The following ABTB1 variants were observed in gnomAD, a reference collection of about 807,000 sequenced individuals.
ABTB1 encodes the protein ankyrin repeat and BTB/POZ domain-containing protein 1.
In ABTB1, 45 loss-of-function variants were observed where a neutral mutation model predicts 57.1. That is an observed-to-expected ratio of 0.79 (90% CI 0.62 to 1.01). The LOEUF is 1.01. Ranked by LOEUF, ABTB1 falls within the 50% of genes least tolerant of loss-of-function variation. The pLI is 0.00. For missense variants in ABTB1, 630 were observed against 666.3 expected (o/e 0.95, Z 0.60); for synonymous variants, 302 against 275.4 (o/e 1.10, Z -0.95).
intron 1 of ABTB1, chr3:127,673,389 G>T (rs1423035799): frequency 4.3e-6 from 1 of 233,586 alleles, no homozygotes. Flanking sequence ...CCCTGGTAGG[G>T]CCCGGACGTC....
chr3:127,676,207 G>C lies in ABTB1; in HGVS notation c.321-65G>C. On this transcript the variant is annotated intron_variant, in intron 4 of 11. Coordinates refer to ENST00000232744, the MANE Select transcript of ABTB1 (RefSeq NM_172027.3). This position sits in a 1 kb window ranked among gnomAD's most constrained non-coding sequence, Gnocchi z 5.4. ...CTGACTGTGGCCTGCACTGGGTTCT[G>C]AGTGCTCCGAGGAATGGGGTGGGGC... is the stretch of plus-strand genomic sequence containing the variant. The C allele has an allele frequency of 6.2e-7, 1 of 1,604,950 alleles. No homozygotes were observed. Among genetic ancestry groups the C allele is most frequent in the Middle Eastern group, 1.8e-4 (1 of 5,548 alleles).
chr3:127,675,988 A>G lies in ABTB1; in HGVS notation c.194A>G (p.Asn65Ser), dbSNP rs2074972195. 2 of 1,609,384 alleles carry G rather than the reference A, an allele frequency of 1.2e-6. No homozygotes were observed. Among genetic ancestry groups the G allele is most frequent in the South Asian group, 1.1e-5 (1 of 90,974 alleles). Residue 65 changes from asparagine (N) to serine (S), a missense_variant, in exon 4 of 12, where the codon AAC (asparagine) becomes AGC (serine). Asn to Ser is a conservative substitution (Grantham distance 46). Coordinates refer to ENST00000232744, the MANE Select transcript of ABTB1 (RefSeq NM_172027.3). ...CCCCCAGGAGCCCGCTGCGAGGCCA[A>G]CACCTTCGATGGTGAGCGCTGCCTC... ...LLANGARCEA[N>S]TFDGERCLYG...
intron 10 of ABTB1, 172 bp from the exon 11 acceptor site, chr3:127,679,813 A>C: frequency 1.1e-5 from 4 of 371,860 alleles, no homozygotes; most frequent in Non-Finnish European, 1.6e-5. Context: ...CCCTGTGGGA[A>C]TCTGGGCCAG....
At chr3:127,680,227 G>A in intron 11 of ABTB1, 42 bp downstream of exon 11, 2 of 1,613,220 alleles carry the variant, frequency 1.2e-6, no homozygotes, top group Non-Finnish European at 1.7e-6. Flanking sequence ...AGGGGTGAGA[G>A]GGCAGGCACC....
intron 3 of ABTB1, among the ~76,000 whole-genome samples, chr3:127,674,918 C>T (rs80083970): frequency 0.033 from 5,023 of 152,322 alleles, 145 homozygotes; most frequent in South Asian, 0.076. Context: ...AAAAATCCTC[C>T]AGCAAGTTCC....
At chr3:127,674,302 G>C (rs1210263465) in intron 1 of ABTB1, 89 bp from the exon 2 acceptor site, 2 of 1,523,562 alleles carry the variant, frequency 1.3e-6, no homozygotes, top group Non-Finnish European at 1.8e-6. Flanking sequence ...ATACCAAAAG[G>C]GATGTTTTCT....
Position 127,677,500 on chromosome 3 carries a change from C to G in ABTB1, c.798C>G (p.Asp266Glu). 2 of 1,614,134 alleles carry G rather than the reference C, an allele frequency of 1.2e-6. No individual in the cohort carries two copies. Among genetic ancestry groups the G allele is most frequent in the Non-Finnish European group, 1.7e-6 (2 of 1,180,030 alleles). Reference sequence around the variant, plus strand: ...GGGAGCTGCCCTTCCCTTGTCCTGACGGCTTCAACAGCTGCCCTGACATCT... The same window carrying G: ...GGGAGCTGCCCTTCCCTTGTCCTGAGGGCTTCAACAGCTGCCCTGACATCT... The part of the protein sequence containing the change: ...DLWELPFPCP[D>E]GFNSCPDICF... The change falls in exon 9 of 12, where the codon GAC (aspartate) becomes GAG (glutamate). Residue 266 changes from aspartate to glutamate, a missense_variant. Physicochemically the swap from Asp to Glu is conservative, Grantham distance 45. Around this residue, in one of 3 missense-constraint regions of ABTB1, gnomAD observed 579 missense variants for 585.9 expected, o/e 0.99. Coordinates refer to ENST00000232744, the MANE Select transcript of ABTB1 (RefSeq NM_172027.3).
In ABTB1 at chr3:127,680,762, C is replaced by T. The variant is rs775127401; in HGVS notation, c.*287C>T. Reference sequence around the variant, plus strand: ...GGTGGGCTTTGGTCTTAGCACTTTCCTTCTCCAGATCCCCCCTACCCACCC... The same window carrying T: ...GGTGGGCTTTGGTCTTAGCACTTTCTTTCTCCAGATCCCCCCTACCCACCC... On this transcript the variant is annotated 3_prime_UTR_variant, in exon 12 of 12. Coordinates refer to ENST00000232744, the MANE Select transcript of ABTB1 (RefSeq NM_172027.3). 8 of 668,346 alleles carry T rather than the reference C, an allele frequency of 1.2e-5. No individual in the cohort carries two copies. The highest frequency in any genetic ancestry group is 7.0e-5 in the South Asian group (4 of 57,282). The allele number at this position is 668,346 out of a possible 1,614,324, so 41.4% of individuals were successfully genotyped here.
chr3:127,676,695 C>G lies in ABTB1; in HGVS notation c.526+114C>G, dbSNP rs371559753. The G allele has an allele frequency of 2.1e-6, 3 of 1,397,740 alleles. No individual in the cohort carries two copies. The highest frequency in any genetic ancestry group is 3.0e-6 in the Non-Finnish European group (3 of 1,007,262). The allele number at this position is 1,397,740 out of a possible 1,614,324, so 86.6% of individuals were successfully genotyped here. ...ACCTCTAGACACTTCATGGTCCCCC[C>G]GGGGTGGTTCCAGCTGCCTCTCGGG... On this transcript the variant is annotated intron_variant, in intron 6 of 11. Coordinates refer to ENST00000232744, the MANE Select transcript of ABTB1 (RefSeq NM_172027.3). The surrounding 1 kb of genome is among the most constrained non-coding windows in gnomAD (Gnocchi z 5.4).
chr3:127,673,287 A>G (rs937499422), intron 1 of ABTB1: 7 of 407,762 alleles, frequency 1.7e-5, no homozygotes, highest in Admixed American at 9.7e-5. Flanking sequence ...ACTGATGGCC[A>G]TTGACCCCCG....
At chr3:127,679,922 C>T in intron 10 of ABTB1, 63 bp from the exon 11 acceptor site, 1 of 1,550,200 alleles carries the variant, frequency 6.5e-7, no homozygotes, top group East Asian at 2.3e-5. Flanking sequence ...CTAGCCTTGG[C>T]TGTTGTGCCC....
intron 10 of ABTB1, 160 bp from the exon 11 acceptor site, chr3:127,679,825 C>T: frequency 3.2e-6 from 2 of 623,408 alleles, no homozygotes; most frequent in South Asian, 3.6e-5. Flanking sequence ...CTGGGCCAGC[C>T]CCCCGACCCC....
chr3:127,676,446 G>C lies in ABTB1; in HGVS notation c.480+15G>C. The C allele has an allele frequency of 6.2e-7, 1 of 1,614,022 alleles. No homozygotes were observed. Among genetic ancestry groups the C allele is most frequent in the Admixed American group, 1.7e-5 (1 of 60,030 alleles). On this transcript the variant is annotated intron_variant, in intron 5 of 11. Transcript: ENST00000232744. The surrounding 1 kb of genome is among the most constrained non-coding windows in gnomAD (Gnocchi z 5.4). ...GGCACCCACTGGTATGTCCCTTCAG[G>C]GTGGCAGAGGGGCATGAACTGTCCA...
chr3:127,677,627 CAGG>C, intron 9 of ABTB1, 46 bp from the exon 10 acceptor site: 1 of 1,613,016 alleles, frequency 6.2e-7, no homozygotes. Context: ...TCTAGCTCCT[CAGG>C]AGACAGACCC....
chr3:127,674,985 T>C (rs1235034001), intron 3 of ABTB1, among the ~76,000 whole-genome samples: 3 of 152,190 alleles, frequency 2.0e-5, no homozygotes, highest in Non-Finnish European at 2.9e-5. Flanking sequence ...CCACAGGGTC[T>C]GCCCTCCCAC....
chr3:127,673,923 C>T (rs1034394869), intron 1 of ABTB1, among the ~76,000 whole-genome samples: 2 of 152,244 alleles, frequency 1.3e-5, no homozygotes, highest in South Asian at 2.1e-4. Flanking sequence ...TCACCTTCCG[C>T]ATCCCATCAG....
At position 127,675,985 on chromosome 3, in the gene ABTB1, C is replaced by A; in HGVS notation, c.191C>A (p.Ala64Asp). 6.2e-7 allele frequency: 1 copy of A among 1,609,206 alleles called. No homozygotes were observed. Among genetic ancestry groups the A allele is most frequent in the Non-Finnish European group, 8.5e-7 (1 of 1,177,266 alleles). ...CCTCCCCCAGGAGCCCGCTGCGAGG[C>A]CAACACCTTCGATGGTGAGCGCTGC... is the stretch of plus-strand genomic sequence containing the variant. ...YLLANGARCE[A>D]NTFDGERCLY... The change falls in exon 4 of 12, where the codon GCC becomes GAC. Residue 64 changes from alanine (A) to aspartate (D), a missense_variant. Physicochemically the swap from Ala to Asp is moderately radical, Grantham distance 126. Around this residue, in one of 3 missense-constraint regions of ABTB1, gnomAD observed 579 missense variants for 585.9 expected, o/e 0.99. Coordinates refer to ENST00000232744, the MANE Select transcript of ABTB1 (RefSeq NM_172027.3).
At chr3:127,673,303 C>A (rs1243876406) in intron 1 of ABTB1, 6 of 371,702 alleles carry the variant, frequency 1.6e-5, no homozygotes, top group Non-Finnish European at 2.8e-5. Flanking sequence ...CCCCGGAGGG[C>A]TTCCTGTAAG....
intron 3 of ABTB1, 67 bp downstream of exon 3, chr3:127,674,667 A>G (rs1056184886): frequency 2.5e-6 from 4 of 1,583,304 alleles, no homozygotes; most frequent in East Asian, 2.2e-5. Flanking sequence ...GGGTGCATGC[A>G]TGCGTGCGTG....
Sources: allele counts gnomAD v4.1 joint callset (sites outside exome capture counted in the v4.1 genomes callset), GRCh38; gene constraint gnomAD v4.1.1; regional missense constraint gnomAD v4.1.1; non-coding constraint Gnocchi (gnomAD v3.1); transcripts MANE v1.5; gene names NCBI Gene and HGNC (gene_info 2026-07-23, HGNC 2026-07-21).